THSD4: variants seen among roughly 807,000 people sequenced by gnomAD.
THSD4 encodes the protein thrombospondin type 1 domain containing 4.
Under a neutral mutation model 119.0 loss-of-function variants are expected in THSD4, and 69 were observed. That is an observed-to-expected ratio of 0.58 (90% CI 0.48 to 0.71). The LOEUF (loss-of-function observed/expected upper bound fraction) is 0.71. Ranked by LOEUF, THSD4 falls within the 30% of genes least tolerant of loss-of-function variation. The pLI, the probability that THSD4 is intolerant of heterozygous loss-of-function variation, is 0.00. For synonymous variants in THSD4, 524 were observed against 540.4 expected, an observed-to-expected ratio of 0.97 and a Z score of 0.42; for missense variants, 1,393 against 1,391.1, an observed-to-expected ratio of 1.00 and a Z score of -0.02.
At chr15:71,618,011 C>T (rs937511172) in intron 7 of THSD4, among the ~76,000 whole-genome samples, 1 of 152,240 alleles carries the variant, frequency 6.6e-6, no homozygotes, top group African/African-American at 2.4e-5. Flanking sequence ...GCACACACCT[C>T]TGAACAACAA....
In THSD4 at chr15:71,385,581, C is replaced by G. The variant is rs921475606; in HGVS notation, c.1016-26106C>G. Among the ~76,000 whole-genome samples, 10 of 5,424 alleles carry G rather than the reference C, an allele frequency of 1.8e-3. No individual in the cohort carries two copies. The Non-Finnish European group carries it at 0.045, about 24-fold the overall frequency. 3.6% of individuals were successfully genotyped at this position (5,424 alleles called of 152,430 possible). Reference sequence around the variant, plus strand: ...GCTGGCTCACTTAGAGCTTGGAGTTCGCTAAAGCGAATAAATTTGAACCTG... The same window carrying G: ...GCTGGCTCACTTAGAGCTTGGAGTTGGCTAAAGCGAATAAATTTGAACCTG... On this transcript the variant is annotated intron_variant, in intron 6 of 17. Transcript: ENST00000261862.
intron 7 of THSD4, chr15:71,547,317 A>C (rs1323905395): frequency 6.5e-7 from 1 of 1,532,352 alleles, no homozygotes; most frequent in East Asian, 2.5e-5. Context: ...GCGGAACTCC[A>C]GGGCTGGAAT....
At chr15:71,559,402 T>A (rs1047400228) in intron 7 of THSD4, among the ~76,000 whole-genome samples, 1 of 152,218 alleles carries the variant, frequency 6.6e-6, no homozygotes, top group Admixed American at 6.5e-5. Context: ...TCAGAATGTT[T>A]TATCTGGTAA....
At chr15:71,550,964 A>T (rs2048917548) in intron 7 of THSD4, among the ~76,000 whole-genome samples, 1 of 152,190 alleles carries the variant, frequency 6.6e-6, no homozygotes, top group African/African-American at 2.4e-5. Flanking sequence ...AAAAATAAAT[A>T]AATGTCTTTT....
At chr15:71,557,351 A>G (rs372081401) in intron 7 of THSD4, among the ~76,000 whole-genome samples, 1 of 152,078 alleles carries the variant, frequency 6.6e-6, no homozygotes, top group East Asian at 1.9e-4. Flanking sequence ...ATATATTTCT[A>G]TTTTTATTAA....
intron 7 of THSD4, among the ~76,000 whole-genome samples, chr15:71,542,646 G>A (rs777352183): frequency 2.5e-4 from 38 of 152,112 alleles, no homozygotes; most frequent in Non-Finnish European, 4.9e-4. Flanking sequence ...GGGAGGCCGA[G>A]GTAGGCGGAT....
chr15:71,143,586 C>A (rs1056314924), intron 2 of THSD4, among the ~76,000 whole-genome samples: 1 of 151,964 alleles, frequency 6.6e-6, no homozygotes, highest in African/African-American at 2.4e-5. Flanking sequence ...GCTTGAGGAC[C>A]CTCAAAAATG....
chr15:71,614,494 A>G (rs2050288718), intron 7 of THSD4, among the ~76,000 whole-genome samples: 3 of 152,174 alleles, frequency 2.0e-5, no homozygotes, highest in Admixed American at 6.5e-5. Flanking sequence ...TATCTCACCT[A>G]TCCCCGATGA....
intron 1 of THSD4, among the ~76,000 whole-genome samples, chr15:71,130,522 T>C (rs1272223100): frequency 6.6e-6 from 1 of 152,026 alleles, no homozygotes; most frequent in Non-Finnish European, 1.5e-5. Flanking sequence ...AGACAAGCCA[T>C]GACTCCAACA....
At chr15:71,672,670 C>G (rs992518265) in intron 8 of THSD4, among the ~76,000 whole-genome samples, 2 of 152,164 alleles carry the variant, frequency 1.3e-5, no homozygotes, top group African/African-American at 4.8e-5. Flanking sequence ...CCATCAGTAC[C>G]TAGTTTATTG....
At chr15:71,733,619 C>T (rs926111428) in intron 10 of THSD4, 1 of 151,848 alleles carries the variant, frequency 6.6e-6, no homozygotes, top group East Asian at 1.9e-4. Context: ...GTAAGAAAGC[C>T]CTGGCAAAAA....
At chr15:71,162,476 GT>G (rs2043257095) in intron 3 of THSD4, among the ~76,000 whole-genome samples, 1 of 151,784 alleles carries the variant, frequency 6.6e-6, no homozygotes, top group South Asian at 2.1e-4. Flanking sequence ...GGCCTGAAAG[GT>G]TTCTGCTAAA....
intron 3 of THSD4, among the ~76,000 whole-genome samples, chr15:71,155,849 C>T (rs1188402109): frequency 6.6e-6 from 1 of 152,180 alleles, no homozygotes; most frequent in Non-Finnish European, 1.5e-5. Flanking sequence ...TCTTTCCTCT[C>T]ACCCCTTATT....
chr15:71,472,626 G>A (rs2047597521), intron 7 of THSD4, among the ~76,000 whole-genome samples: 1 of 152,174 alleles, frequency 6.6e-6, no homozygotes, highest in Non-Finnish European at 1.5e-5. Flanking sequence ...AGTCTCCTGA[G>A]GAATTTTTCT....
intron 7 of THSD4, among the ~76,000 whole-genome samples, chr15:71,575,999 T>C (rs1388861527): frequency 6.6e-6 from 1 of 152,186 alleles, no homozygotes; most frequent in African/African-American, 2.4e-5. Context: ...AATTTGTTCA[T>C]TTATATCACT....
chr15:71,347,030 C>T (rs2140399360), intron 6 of THSD4, among the ~76,000 whole-genome samples: 1 of 151,980 alleles, frequency 6.6e-6, no homozygotes, highest in African/African-American at 2.4e-5. Flanking sequence ...CGTGCCACCA[C>T]ACCTGGCTAA....
chr15:71,199,822 TGTGGG>T (rs2043776268), intron 3 of THSD4, among the ~76,000 whole-genome samples: 1 of 146,992 alleles, frequency 6.8e-6, no homozygotes, highest in African/African-American at 2.6e-5. Flanking sequence ...GTGATGCACG[TGTGGG>T]GTGTGTGTGT....
intron 1 of THSD4, among the ~76,000 whole-genome samples, chr15:71,127,443 C>A (rs1229552970): frequency 6.6e-6 from 1 of 152,140 alleles, no homozygotes; most frequent in Non-Finnish European, 1.5e-5. Context: ...AGTGGGATTC[C>A]TAGATCATAT....
At chr15:71,280,515 A>AT (rs112544323) in intron 6 of THSD4, among the ~76,000 whole-genome samples, 5,644 of 152,280 alleles carry the variant, frequency 0.037, 216 homozygotes, top group African/African-American at 0.096. Flanking sequence ...TATAATATGT[A>AT]TTTTGAAATG....
Sources: allele counts gnomAD v4.1 joint callset (sites outside exome capture counted in the v4.1 genomes callset), GRCh38; gene constraint gnomAD v4.1.1; transcripts MANE v1.5; gene names NCBI Gene and HGNC (gene_info 2026-07-23, HGNC 2026-07-21).